Variants in SEMA6D observed in about 807,000 individuals in gnomAD.
SEMA6D encodes semaphorin 6D, also known as semaphorin-6D.
A neutral mutation model predicts 106.6 loss-of-function variants in SEMA6D; 35 were observed. That is an observed-to-expected ratio of 0.33 (90% confidence interval 0.25 to 0.44). The LOEUF is 0.44. SEMA6D is among the 20% of genes least tolerant of loss of function. The probability of loss-of-function intolerance (pLI) is 1.00; values close to 1 mark genes in which losing one functional copy is unlikely to be tolerated. For synonymous variants in SEMA6D, 499 were observed against 487.7 expected (o/e 1.02, Z -0.31); for missense variants, 1,185 against 1,345.9 (o/e 0.88, Z 1.87).
intron 3 of SEMA6D, among the ~76,000 whole-genome samples, chr15:47,506,287 C>A (rs1266780992): frequency 6.6e-6 from 1 of 152,106 alleles, no homozygotes; most frequent in Non-Finnish European, 1.5e-5. Flanking sequence ...TAGAGGGCAC[C>A]TTTAGGTTTG....
chr15:47,409,905 G>C (rs537861571), intron 1 of SEMA6D, among the ~76,000 whole-genome samples: 7 of 152,160 alleles, frequency 4.6e-5, no homozygotes, highest in South Asian at 4.2e-4. Context: ...GTTGTGGGGG[G>C]GGTGGGGAGG....
chr15:47,433,478 A>G (rs970682926), intron 2 of SEMA6D, among the ~76,000 whole-genome samples: 2 of 152,076 alleles, frequency 1.3e-5, no homozygotes, highest in African/African-American at 4.8e-5. Context: ...CTCCAGCTAA[A>G]CTATGATTTT....
At chr15:47,221,785 G>C (rs1350316397) in intron 1 of SEMA6D, among the ~76,000 whole-genome samples, 1 of 152,130 alleles carries the variant, frequency 6.6e-6, no homozygotes, top group Non-Finnish European at 1.5e-5. Context: ...TAGTAATGAG[G>C]CCCAATGTTA....
intron 3 of SEMA6D, among the ~76,000 whole-genome samples, chr15:47,473,834 C>G (rs1387781245): frequency 6.6e-6 from 1 of 152,114 alleles, no homozygotes; most frequent in African/African-American, 2.4e-5. Context: ...GAAACTCCTT[C>G]TTTCCCCTTG....
intron 3 of SEMA6D, among the ~76,000 whole-genome samples, chr15:47,521,457 A>T (rs980838185): frequency 6.6e-6 from 1 of 152,154 alleles, no homozygotes; most frequent in African/African-American, 2.4e-5. Context: ...CCTGGTGTCC[A>T]CTTCTACTTG....
At chr15:47,349,665 G>A (rs557265817) in intron 1 of SEMA6D, among the ~76,000 whole-genome samples, 19 of 152,108 alleles carry the variant, frequency 1.2e-4, no homozygotes, top group African/African-American at 2.9e-4. Flanking sequence ...CAAAAGATGC[G>A]GAAAAGAAAG....
intron 3 of SEMA6D, among the ~76,000 whole-genome samples, chr15:47,599,490 T>G (rs1360438786): frequency 6.6e-6 from 1 of 151,432 alleles, no homozygotes; most frequent in Non-Finnish European, 1.5e-5. Flanking sequence ...TTGGAGAAAC[T>G]AAGGTGATTC....
intron 1 of SEMA6D, among the ~76,000 whole-genome samples, chr15:47,362,742 A>AG (rs1432346973): frequency 6.3e-4 from 96 of 152,218 alleles, no homozygotes; most frequent in Non-Finnish European, 1.5e-4. Flanking sequence ...CCTGAGGAAG[A>AG]GGGGGAGGAG....
chr15:47,476,736 C>T (rs1306241543), intron 3 of SEMA6D, among the ~76,000 whole-genome samples: 1 of 152,168 alleles, frequency 6.6e-6, no homozygotes, highest in Non-Finnish European at 1.5e-5. Context: ...CTCCCATGAA[C>T]TCATGCCATT....
chr15:47,528,772 G>T (rs553567393), intron 3 of SEMA6D, among the ~76,000 whole-genome samples: 1 of 152,250 alleles, frequency 6.6e-6, no homozygotes, highest in South Asian at 2.1e-4. Flanking sequence ...ATCCTGGCTG[G>T]CCCTTTGAAA....
chr15:47,665,363 TTTG>T (rs2078005907), intron 4 of SEMA6D, among the ~76,000 whole-genome samples: 1 of 152,224 alleles, frequency 6.6e-6, no homozygotes, highest in Admixed American at 6.5e-5. Context: ...TATTTATGCT[TTTG>T]TCTTTTGTTT....
chr15:47,392,023 GT>G (rs940605812), intron 1 of SEMA6D, among the ~76,000 whole-genome samples: 75 of 152,110 alleles, frequency 4.9e-4, no homozygotes, highest in African/African-American at 1.7e-3. Flanking sequence ...TCTCTATCCA[GT>G]TTTTTAAAAA....
At chr15:47,686,198 A>G (rs1022872058) in intron 4 of SEMA6D, among the ~76,000 whole-genome samples, 2 of 152,336 alleles carry the variant, frequency 1.3e-5, no homozygotes, top group Non-Finnish European at 1.5e-5. Context: ...GTCATATTAT[A>G]GAATCATTTG....
Position 47,616,395 on chromosome 15 carries a change from C to A in SEMA6D, c.-55+15499C>A, listed in dbSNP as rs1039152337. On this transcript the variant is annotated intron_variant, in intron 4 of 19. Coordinates refer to the SEMA6D transcript ENST00000558014. Reference sequence around the variant, plus strand: ...CCATGTTAGCCAGGATGGTCTCGATCTCCTGACCTTGTGGTCCACTTGCCT... The same window carrying A: ...CCATGTTAGCCAGGATGGTCTCGATATCCTGACCTTGTGGTCCACTTGCCT... Among the ~76,000 whole-genome samples the A allele has an allele frequency of 3.3e-5, 5 of 152,206 alleles. No homozygotes were observed. In the East Asian group the frequency reaches 9.7e-4, roughly 30 times the overall value.
chr15:47,767,686 G>A (rs2147897211), intron 17 of SEMA6D, among the ~76,000 whole-genome samples: 1 of 152,210 alleles, frequency 6.6e-6, no homozygotes, highest in Admixed American at 6.5e-5. Flanking sequence ...GCCTCCTTCT[G>A]TTAACTGTTG....
rs916530727 is a variant in SEMA6D at position 47,294,828 on chromosome 15, G to A, written c.-239+110410G>A. ...GTTGTTTAAATGTTTATTCTTTTCA[G>A]CTATTGGCCAACAATTGACAAAGAT... On this transcript the variant is annotated intron_variant, in intron 1 of 19. Coordinates refer to the SEMA6D transcript ENST00000558014. Among the ~76,000 whole-genome samples, 31 of 152,144 alleles carry A rather than the reference G, an allele frequency of 2.0e-4. 1 individual carries two copies. The highest frequency in any genetic ancestry group is 7.5e-4 in the African/African-American group (31 of 41,438).
At chr15:47,472,932 C>T (rs1012744390) in intron 3 of SEMA6D, among the ~76,000 whole-genome samples, 7 of 152,122 alleles carry the variant, frequency 4.6e-5, no homozygotes, top group African/African-American at 1.7e-4. Flanking sequence ...GCAAATGACA[C>T]CCATTTTTCT....
At chr15:47,662,726 G>T (rs953010612) in intron 4 of SEMA6D, among the ~76,000 whole-genome samples, 9 of 152,086 alleles carry the variant, frequency 5.9e-5, no homozygotes, top group Non-Finnish European at 1.0e-4. Context: ...ACCACTCTTT[G>T]CAAACTTTGA....
chr15:47,519,435 T>C (rs2044499259), intron 3 of SEMA6D, among the ~76,000 whole-genome samples: 1 of 152,222 alleles, frequency 6.6e-6, no homozygotes, highest in Admixed American at 6.5e-5. Context: ...AGAGCATTAC[T>C]GTAATTGTTT....
Sources: gnomAD v4.1 joint callset for allele counts (sites outside exome capture counted in the v4.1 genomes callset) on GRCh38, gnomAD v4.1.1 for gene constraint, MANE v1.5 for transcripts, NCBI Gene and HGNC (gene_info 2026-07-23, HGNC 2026-07-21) for gene names.